The following AGT variants were observed in gnomAD, a reference collection of about 807,000 sequenced individuals.
AGT encodes angiotensinogen.
Under a neutral mutation model 28.1 loss-of-function variants are expected in AGT, and 26 were observed. That is an observed-to-expected ratio of 0.92 (90% CI 0.68 to 1.28). AGT has a LOEUF of 1.28. AGT is among the 50% of genes most tolerant of loss of function. The probability of loss-of-function intolerance (pLI) is 0.00; values close to 1 mark genes in which losing one functional copy is unlikely to be tolerated. For missense variants in AGT, 596 were observed against 592.3 expected, an observed-to-expected ratio of 1.01 and a Z score of -0.06; for synonymous variants, 259 against 259.6, an observed-to-expected ratio of 1.00 and a Z score of 0.02.
At chr1:230,716,598 G>A (rs1042741431), upstream of AGT, among the ~76,000 whole-genome samples, 4 of 152,170 alleles carry the variant, frequency 2.6e-5, no homozygotes, top group African/African-American at 9.7e-5. Context: ...TAGTGCATAA[G>A]TCTCATGAGA....
At chr1:230,743,737 T>C (rs973348239) in intron 1 of AGT, among the ~76,000 whole-genome samples, 5 of 152,146 alleles carry the variant, frequency 3.3e-5, no homozygotes, top group African/African-American at 9.7e-5. Context: ...GTCCTAGAGG[T>C]CATCTCCCTG....
intron 1 of AGT, among the ~76,000 whole-genome samples, chr1:230,744,334 G>A (rs1664302202): frequency 6.6e-6 from 1 of 152,222 alleles, no homozygotes; most frequent in Admixed American, 6.5e-5. Context: ...CAGCAAATGT[G>A]CATCGTGCTC....
At chr1:230,735,987 C>T (rs535705689) in intron 1 of AGT, among the ~76,000 whole-genome samples, 138 of 152,224 alleles carry the variant, frequency 9.1e-4, no homozygotes, top group Non-Finnish European at 1.5e-3. Flanking sequence ...GTCATTTAGG[C>T]GGGGTTTGGG....
intron 1 of AGT, among the ~76,000 whole-genome samples, chr1:230,726,935 C>G (rs1462306530): frequency 6.6e-6 from 1 of 152,208 alleles, no homozygotes; most frequent in Admixed American, 6.5e-5. Context: ...TCTGGGCTAG[C>G]TGAGTGACGA....
At chr1:230,716,484 C>G (rs762179259), upstream of AGT, among the ~76,000 whole-genome samples, 1 of 152,200 alleles carries the variant, frequency 6.6e-6, no homozygotes, top group Non-Finnish European at 1.5e-5. Flanking sequence ...TGTCCCCACC[C>G]AAATCTCCAA....
At chr1:230,741,807 G>C (rs771243298) in intron 1 of AGT, among the ~76,000 whole-genome samples, 1 of 152,196 alleles carries the variant, frequency 6.6e-6, no homozygotes, top group Admixed American at 6.5e-5. Flanking sequence ...GACATCTTGC[G>C]AGGAGAGATA....
upstream of AGT, among the ~76,000 whole-genome samples, chr1:230,715,466 T>C (rs11568017): frequency 3.4e-3 from 514 of 152,276 alleles, 4 homozygotes; most frequent in African/African-American, 0.011. Context: ...TGAGCTATGA[T>C]TGCACCACTG....
chr1:230,736,332 G>C (rs557951718), intron 1 of AGT, among the ~76,000 whole-genome samples: 11 of 152,018 alleles, frequency 7.2e-5, no homozygotes, highest in Non-Finnish European at 1.2e-4. Flanking sequence ...GACCATCCTG[G>C]CTAACACGGT....
chr1:230,725,665 C>T lies in AGT; in HGVS notation c.-30-14812G>A, dbSNP rs142045681. On this transcript the variant is annotated intron_variant, in intron 1 of 4. Transcript: ENST00000681269. ...TGCTATCTTTTGCGAAAACTGAGTT[C>T]TAGAAATAATATTTATTTAATGTTC... 3.7e-3 allele frequency among the ~76,000 whole-genome samples: 561 copies of T among 152,180 alleles called. 2 individuals carry two copies. Among genetic ancestry groups the T allele is most frequent in the African/African-American group, 0.013 (538 of 41,508 alleles).
rs753920149 is a variant in AGT, at chr1:230,710,543, G to A, written c.281C>T (p.Ala94Val). The A allele has an allele frequency of 1.6e-5, 26 of 1,614,136 alleles. No homozygotes were observed. The highest frequency in any genetic ancestry group is 2.7e-5 in the African/African-American group (2 of 74,946). Residue 94 changes from alanine to valine, a missense_variant, in exon 2 of 5, where the codon GCC becomes GTC. Transcript: ENST00000366667. Reference protein sequence around the residue: ...AKLDTEDKLRAAMVGMLANFL... With the variant: ...AKLDTEDKLRVAMVGMLANFL... ...GTTGGCCAGCATCCCGACCATTGCG[G>A]CCCTCAACTTGTCTTCGGTGTCAAG...
intron 1 of AGT, among the ~76,000 whole-genome samples, chr1:230,712,047 G>A (rs952027247): frequency 1.3e-5 from 2 of 152,082 alleles, no homozygotes; most frequent in African/African-American, 2.4e-5. Flanking sequence ...AGGGATGAAC[G>A]TTTATTCTAT....
At chr1:230,729,843 T>C (rs139503379) in intron 1 of AGT, among the ~76,000 whole-genome samples, 9 of 152,198 alleles carry the variant, frequency 5.9e-5, no homozygotes, top group Middle Eastern at 3.4e-3. Flanking sequence ...TTCTCTAACC[T>C]GTCTTCTCTA....
chr1:230,720,988 C>T (rs1663832942), intron 1 of AGT, among the ~76,000 whole-genome samples: 1 of 152,216 alleles, frequency 6.6e-6, no homozygotes, highest in Non-Finnish European at 1.5e-5. Flanking sequence ...AGACCTGGCC[C>T]AGGGGGGCCG....
Position 230,710,495 on chromosome 1 carries a change from C to A in AGT, c.329G>T (p.Gly110Val). 6.2e-7 allele frequency: 1 copy of A among 1,614,220 alleles called. No homozygotes were observed. The highest frequency in any genetic ancestry group is 1.1e-5 in the South Asian group (1 of 91,084). The change falls in exon 2 of 5, where the codon GGC becomes GTC. Residue 110 changes from glycine (G) to valine (V), a missense_variant. Coordinates refer to ENST00000366667, the MANE Select transcript of AGT (RefSeq NM_001384479.1). ...LANFLGFRIY[G>V]MHSELWGVVH... ...CACGCCCCATAGCTCACTGTGCATG[C>A]CATATATACGGAAGCCCAAGAAGTT...
At chr1:230,724,394 CT>C (rs574488771) in intron 1 of AGT, among the ~76,000 whole-genome samples, 2 of 152,232 alleles carry the variant, frequency 1.3e-5, no homozygotes, top group Admixed American at 1.3e-4. Context: ...TATTCCATTC[CT>C]GTATGAAGGG....
chr1:230,710,646 G>T lies in AGT; in HGVS notation c.178C>A (p.Pro60Thr), dbSNP rs1223847295. The change falls in exon 2 of 5, where the codon CCT becomes ACT. Residue 60 changes from proline to threonine, a missense_variant. Pro to Thr is a conservative substitution (Grantham distance 38). Coordinates refer to ENST00000366667, the MANE Select transcript of AGT (RefSeq NM_001384479.1). ...GATGTCTTGGCCTGAATTGGAGCAG[G>T]TATGAAGGTGGGGTCTTTGGGCTTC... is the stretch of plus-strand genomic sequence containing the variant. ...AGKPKDPTFI[P>T]APIQAKTSPV... 3 of 1,614,260 alleles carry T rather than the reference G, an allele frequency of 1.9e-6. No individual in the cohort carries two copies. The South Asian group carries it at 3.3e-5, about 18-fold the overall frequency.
intron 2 of AGT, among the ~76,000 whole-genome samples, chr1:230,707,492 A>C (rs898361178): frequency 6.6e-6 from 1 of 152,150 alleles, no homozygotes; most frequent in Non-Finnish European, 1.5e-5. Flanking sequence ...GGCAGGCAGG[A>C]GCTGGGCATG....
chr1:230,734,171 A>C (rs1383978170), intron 1 of AGT, among the ~76,000 whole-genome samples: 1 of 152,214 alleles, frequency 6.6e-6, no homozygotes, highest in Non-Finnish European at 1.5e-5. Context: ...TAGAAAGACA[A>C]AATATGACAT....
chr1:230,730,661 G>A (rs1360886324), intron 1 of AGT, among the ~76,000 whole-genome samples: 2 of 152,162 alleles, frequency 1.3e-5, no homozygotes, highest in African/African-American at 4.8e-5. Context: ...CAGATTGCTT[G>A]TGGTGTGTAA....
Sources: allele counts gnomAD v4.1 joint callset (sites outside exome capture counted in the v4.1 genomes callset), GRCh38; gene constraint gnomAD v4.1.1; transcripts MANE v1.5; gene names NCBI Gene and HGNC (gene_info 2026-07-23, HGNC 2026-07-21).